NPFFR2: variants seen among roughly 807,000 people sequenced by gnomAD.
NPFFR2 encodes the protein neuropeptide FF receptor 2.
NPFFR2 carries 15 observed loss-of-function variants against 13.1 expected under a neutral mutation model. The observed-to-expected ratio is 1.15, with a 90% CI of 0.77 to 1.76. The LOEUF (loss-of-function observed/expected upper bound fraction) is 1.76. NPFFR2 is among the 40% of genes most tolerant of loss of function. The probability of loss-of-function intolerance (pLI) is 0.00; values close to 1 mark genes in which losing one functional copy is unlikely to be tolerated. For synonymous variants in NPFFR2, 190 were observed against 175.7 expected, an observed-to-expected ratio of 1.08 and a Z score of -0.65; for missense variants, 572 against 503.5, an observed-to-expected ratio of 1.14 and a Z score of -1.30.
intron 1 of NPFFR2, among the ~76,000 whole-genome samples, chr4:72,120,334 C>A (rs1055080759): frequency 3.6e-5 from 5 of 138,566 alleles, no homozygotes. Context: ...GCAACTTCAA[C>A]AAACTTAAAC....
chr4:72,146,145 T>C (rs1163261698), intron 3 of NPFFR2, among the ~76,000 whole-genome samples: 1 of 152,186 alleles, frequency 6.6e-6, no homozygotes, highest in Non-Finnish European at 1.5e-5. Context: ...TTACATCTCA[T>C]GATTTTGTGG....
At chr4:72,115,601 G>T (rs1243830067) in intron 1 of NPFFR2, among the ~76,000 whole-genome samples, 2 of 151,994 alleles carry the variant, frequency 1.3e-5, no homozygotes, top group Non-Finnish European at 2.9e-5. Flanking sequence ...AACTCCCCTG[G>T]GTTGTCTCCT....
intron 1 of NPFFR2, among the ~76,000 whole-genome samples, chr4:72,043,494 G>A (rs1719290159): frequency 6.6e-6 from 1 of 152,264 alleles, no homozygotes; most frequent in African/African-American, 2.4e-5. Flanking sequence ...CGAAGCCACA[G>A]GGGTGGAGCT....
At chr4:72,127,161 G>A (rs1722073287) in intron 1 of NPFFR2, among the ~76,000 whole-genome samples, 1 of 150,604 alleles carries the variant, frequency 6.6e-6, no homozygotes, top group Non-Finnish European at 1.5e-5. Context: ...AAAATTCGCT[G>A]GGCGTGGTGG....
chr4:72,082,616 T>TAATA (rs1346617783), intron 1 of NPFFR2, among the ~76,000 whole-genome samples: 3 of 152,202 alleles, frequency 2.0e-5, no homozygotes, highest in African/African-American at 7.2e-5. Flanking sequence ...TCAGGCTGAT[T>TAATA]AATATATCTA....
At chr4:72,060,262 A>C (rs546354723) in intron 1 of NPFFR2, among the ~76,000 whole-genome samples, 1 of 151,760 alleles carries the variant, frequency 6.6e-6, no homozygotes, top group African/African-American at 2.4e-5. Flanking sequence ...TATTCAACCT[A>C]CCTCCCATTA....
chr4:72,119,098 A>T (rs1368339773), intron 1 of NPFFR2, among the ~76,000 whole-genome samples: 1 of 152,216 alleles, frequency 6.6e-6, no homozygotes, highest in Admixed American at 6.5e-5. Flanking sequence ...AGCTAAAAAA[A>T]TTTGAGGATT....
At chr4:72,094,846 G>C (rs1387980795) in intron 1 of NPFFR2, among the ~76,000 whole-genome samples, 1 of 152,176 alleles carries the variant, frequency 6.6e-6, no homozygotes, top group Non-Finnish European at 1.5e-5. Context: ...AGCTTTCCTG[G>C]TATGTTCCTG....
rs1307340647 is a variant in NPFFR2, at chr4:72,105,493, TATTA to T, written c.-7-23088_-7-23085del. On this transcript the variant is annotated intron_variant, in intron 1 of 3. Transcript: ENST00000308744. Reference sequence around the variant, plus strand: ...CAGAAAAATGATCATTTTAAAAATATATTAATTCTCAATCTAAGAGTATTCTAGA... The same window carrying T: ...CAGAAAAATGATCATTTTAAAAATATATTCTCAATCTAAGAGTATTCTAGA... Among the ~76,000 whole-genome samples, 4 of 152,134 alleles carry T rather than the reference TATTA, an allele frequency of 2.6e-5. No homozygotes were observed. The South Asian group carries it at 8.3e-4, about 31-fold the overall frequency.
chr4:72,099,691 T>C (rs2109808730), intron 1 of NPFFR2, among the ~76,000 whole-genome samples: 1 of 152,214 alleles, frequency 6.6e-6, no homozygotes, highest in East Asian at 1.9e-4. Context: ...ACACCGCCCA[T>C]CAGTCTCCAC....
intron 2 of NPFFR2, among the ~76,000 whole-genome samples, chr4:72,130,069 A>G (rs999293389): frequency 2.7e-5 from 4 of 149,512 alleles, no homozygotes; most frequent in Non-Finnish European, 4.4e-5. Flanking sequence ...GGGTAAGGTC[A>G]TAGATTAACA....
At chr4:72,089,480 C>A (rs4419449) in intron 1 of NPFFR2, among the ~76,000 whole-genome samples, 144,963 of 152,272 alleles carry the variant, frequency 0.95, 69,435 homozygotes, top group East Asian at 1. Context: ...CATTCTTGCC[C>A]ACATCTATTA....
intron 1 of NPFFR2, among the ~76,000 whole-genome samples, chr4:72,085,189 C>T (rs1446650525): frequency 6.6e-6 from 1 of 152,092 alleles, no homozygotes; most frequent in African/African-American, 2.4e-5. Context: ...CATTCTTCAG[C>T]CCATATTAGT....
intron 1 of NPFFR2, among the ~76,000 whole-genome samples, chr4:72,056,294 T>C (rs1719741815): frequency 6.6e-6 from 1 of 152,002 alleles, no homozygotes; most frequent in Non-Finnish European, 1.5e-5. Context: ...AAATATACTC[T>C]GTCCATGCTC....
intron 1 of NPFFR2, among the ~76,000 whole-genome samples, chr4:72,088,361 C>T (rs9993413): frequency 0.021 from 3,214 of 151,664 alleles, 95 homozygotes; most frequent in African/African-American, 0.062. Flanking sequence ...TAGGTTTTGA[C>T]CTTTAAGGGA....
intron 1 of NPFFR2, among the ~76,000 whole-genome samples, chr4:72,095,850 C>T (rs1223595596): frequency 6.6e-6 from 1 of 152,192 alleles, no homozygotes; most frequent in East Asian, 1.9e-4. Context: ...ATTCTCTGCT[C>T]CGTAGCCTCA....
intron 1 of NPFFR2, among the ~76,000 whole-genome samples, chr4:72,047,177 TTA>T (rs1491579263): frequency 7.6e-5 from 2 of 26,156 alleles, no homozygotes; most frequent in Non-Finnish European, 9.5e-4. Flanking sequence ...ATGTAAAGAA[TTA>T]AAAAAAAAAA....
At chr4:72,099,287 G>C (rs1438782313) in intron 1 of NPFFR2, among the ~76,000 whole-genome samples, 3 of 151,318 alleles carry the variant, frequency 2.0e-5, no homozygotes, top group African/African-American at 4.9e-5. Flanking sequence ...CAATGGATCT[G>C]GTAAAAAATT....
intron 2 of NPFFR2, among the ~76,000 whole-genome samples, chr4:72,130,958 A>G (rs1722220534): frequency 2.6e-5 from 4 of 152,130 alleles, no homozygotes; most frequent in Admixed American, 2.6e-4. Flanking sequence ...GGCTCTCAGC[A>G]GGATAGAGAG....
Sources: allele counts gnomAD v4.1 joint callset (sites outside exome capture counted in the v4.1 genomes callset), GRCh38; gene constraint gnomAD v4.1.1; transcripts MANE v1.5; gene names NCBI Gene and HGNC (gene_info 2026-07-23, HGNC 2026-07-21).